ATG5: variants seen among roughly 807,000 people sequenced by gnomAD.
The protein encoded by ATG5 is autophagy related 5.
Under a neutral mutation model 36.5 loss-of-function variants are expected in ATG5, and 14 were observed. The observed-to-expected ratio is 0.38, with a 90% CI of 0.25 to 0.60. The LOEUF (loss-of-function observed/expected upper bound fraction) is 0.60. Ranked by LOEUF, ATG5 falls within the 20% of genes least tolerant of loss-of-function variation. The probability of loss-of-function intolerance (pLI) is 0.60; values close to 1 mark genes in which losing one functional copy is unlikely to be tolerated. For synonymous variants in ATG5, 95 were observed against 101.5 expected, an observed-to-expected ratio of 0.94 and a Z score of 0.38; for missense variants, 195 against 326.7, an observed-to-expected ratio of 0.60 and a Z score of 3.11.
At chr6:106,289,422 A>G (rs1376635008) in intron 4 of ATG5, among the ~76,000 whole-genome samples, 3 of 152,128 alleles carry the variant, frequency 2.0e-5, no homozygotes, top group Admixed American at 6.5e-5. Context: ...AAATCTGGGC[A>G]ATAACTTTCC....
intron 6 of ATG5, among the ~76,000 whole-genome samples, chr6:106,219,527 C>G (rs953213781): frequency 2.0e-5 from 3 of 152,082 alleles, no homozygotes; most frequent in African/African-American, 7.2e-5. Flanking sequence ...TACAGTATAA[C>G]AACTATTTTC....
At chr6:106,223,873 T>C (rs1777346054) in intron 6 of ATG5, among the ~76,000 whole-genome samples, 1 of 152,198 alleles carries the variant, frequency 6.6e-6, no homozygotes, top group African/African-American at 2.4e-5. Flanking sequence ...AGCTAAACAA[T>C]GTACAAGTCA....
intron 2 of ATG5, among the ~76,000 whole-genome samples, chr6:106,312,387 T>C (rs1770679694): frequency 6.6e-6 from 1 of 152,072 alleles, no homozygotes; most frequent in Non-Finnish European, 1.5e-5. Flanking sequence ...GTTTCTAACA[T>C]ACATAGTTTG....
intron 1 of ATG5, among the ~76,000 whole-genome samples, chr6:106,320,303 A>G (rs1270202920): frequency 6.6e-6 from 1 of 152,234 alleles, no homozygotes; most frequent in African/African-American, 2.4e-5. Flanking sequence ...TGGAGATATT[A>G]ATACATCCTA....
At chr6:106,245,613 T>C (rs1356725105) in intron 6 of ATG5, among the ~76,000 whole-genome samples, 2 of 152,196 alleles carry the variant, frequency 1.3e-5, no homozygotes, top group Non-Finnish European at 2.9e-5. Flanking sequence ...CACTCAAGCA[T>C]GCTCAGTACT....
intron 2 of ATG5, 24 bp from the exon 3 acceptor site, chr6:106,308,515 G>A (rs190801587): frequency 3.5e-4 from 527 of 1,494,532 alleles, no homozygotes; most frequent in Non-Finnish European, 3.7e-4. Context: ...TTGTAAAACC[G>A]TATTTATTTA....
chr6:106,317,333 C>A (rs1202459111), intron 1 of ATG5, among the ~76,000 whole-genome samples: 1 of 152,176 alleles, frequency 6.6e-6, no homozygotes, highest in African/African-American at 2.4e-5. Context: ...TATGAAAACA[C>A]TCTAAATAAT....
At chr6:106,277,374 T>C (rs986582614) in intron 5 of ATG5, among the ~76,000 whole-genome samples, 2 of 152,354 alleles carry the variant, frequency 1.3e-5, no homozygotes, top group South Asian at 4.1e-4. Context: ...TGCCCTCACT[T>C]TGCATCATAG....
intron 3 of ATG5, among the ~76,000 whole-genome samples, chr6:106,301,261 T>C (rs1484502927): frequency 1.3e-5 from 2 of 152,116 alleles, no homozygotes; most frequent in South Asian, 2.1e-4. Context: ...TAATCAGACA[T>C]AACCTCCTTG....
rs1382821055 is a variant in ATG5 at position 106,184,583 on chromosome 6, G to A, written c.*1957C>T. On this transcript the variant is annotated 3_prime_UTR_variant, in exon 8 of 8. Transcript: ENST00000369076. ...TTTCTGGTTTTACTCTTCCTCTAGG[G>A]CATTGTAGGCTTGACTTACCTGGGA... The A allele has an allele frequency of 1.3e-5, 2 of 152,204 alleles. No homozygotes were observed. Among genetic ancestry groups the A allele is most frequent in the African/African-American group, 4.8e-5 (2 of 41,406 alleles). The allele number at this position is 152,204 out of a possible 1,614,324, so 9.4% of individuals were successfully genotyped here. A position where few individuals can be genotyped will look rare whatever the true frequency, so the allele number is the denominator to read the frequency against.
chr6:106,266,842 G>C (rs1395521446), intron 5 of ATG5, among the ~76,000 whole-genome samples: 1 of 152,092 alleles, frequency 6.6e-6, no homozygotes, highest in Admixed American at 6.5e-5. Flanking sequence ...GGTATTGATG[G>C]AACATATCTC....
At chr6:106,316,761 G>GA (rs1033145077) in intron 1 of ATG5, among the ~76,000 whole-genome samples, 5 of 152,052 alleles carry the variant, frequency 3.3e-5, no homozygotes, top group African/African-American at 9.7e-5. Context: ...TCACATTGGG[G>GA]AAAAAATCTT....
intron 4 of ATG5, among the ~76,000 whole-genome samples, chr6:106,286,512 G>A (rs1214916933): frequency 6.6e-6 from 1 of 152,074 alleles, no homozygotes; most frequent in Admixed American, 6.5e-5. Context: ...AAAGTTCTAA[G>A]TTTGCATGAC....
chr6:106,314,701 T>C (rs1242663100), intron 2 of ATG5, among the ~76,000 whole-genome samples: 1 of 152,096 alleles, frequency 6.6e-6, no homozygotes, highest in East Asian at 1.9e-4. Context: ...AAAGTTGTAA[T>C]TAAAACAGCA....
At chr6:106,213,815 G>C (rs188640680) in intron 6 of ATG5, among the ~76,000 whole-genome samples, 230 of 152,260 alleles carry the variant, frequency 1.5e-3, no homozygotes, top group Admixed American at 3.6e-3. Flanking sequence ...CAATTGATGT[G>C]ATAATTAAAT....
At chr6:106,194,261 G>A (rs2114324352) in intron 7 of ATG5, among the ~76,000 whole-genome samples, 1 of 152,248 alleles carries the variant, frequency 6.6e-6, no homozygotes, top group East Asian at 1.9e-4. Flanking sequence ...TGCAAACTGA[G>A]TGCCTATTCT....
At chr6:106,313,180 T>C (rs1453483211) in intron 2 of ATG5, among the ~76,000 whole-genome samples, 1 of 152,218 alleles carries the variant, frequency 6.6e-6, no homozygotes, top group Non-Finnish European at 1.5e-5. Flanking sequence ...TCTTCCATTA[T>C]AACAGGAGGG....
At chr6:106,210,118 A>G (rs964225918) in intron 6 of ATG5, among the ~76,000 whole-genome samples, 1 of 152,186 alleles carries the variant, frequency 6.6e-6, no homozygotes, top group Non-Finnish European at 1.5e-5. Flanking sequence ...AATTCACATC[A>G]ATAACAGTTG....
intron 6 of ATG5, among the ~76,000 whole-genome samples, chr6:106,244,164 C>G (rs577975986): frequency 1.3e-5 from 2 of 152,032 alleles, no homozygotes; most frequent in Non-Finnish European, 2.9e-5. Context: ...AGAAAACAAG[C>G]ATTGTTTTAT....
Sources: gnomAD v4.1 joint callset for allele counts (sites outside exome capture counted in the v4.1 genomes callset) on GRCh38, gnomAD v4.1.1 for gene constraint, MANE v1.5 for transcripts, NCBI Gene and HGNC (gene_info 2026-07-23, HGNC 2026-07-21) for gene names.